Variants in PCDH7 observed in about 807,000 individuals in gnomAD.
PCDH7 encodes protocadherin 7.
Under a neutral mutation model 58.9 loss-of-function variants are expected in PCDH7, and 17 were observed. The observed-to-expected ratio is 0.29, with a 90% CI of 0.20 to 0.43. The LOEUF is 0.43. PCDH7 is among the 20% of genes least tolerant of loss of function. The pLI, the probability that PCDH7 is intolerant of heterozygous loss-of-function variation, is 1.00. For missense variants in PCDH7, 1,274 were observed against 1,441.0 expected, an observed-to-expected ratio of 0.88 and a Z score of 1.88; for synonymous variants, 664 against 616.4, an observed-to-expected ratio of 1.08 and a Z score of -1.14.
At chr4:30,765,860 C>A (rs1720675628) in intron 1 of PCDH7, among the ~76,000 whole-genome samples, 1 of 152,098 alleles carries the variant, frequency 6.6e-6, no homozygotes. Context: ...GTACTTCCTC[C>A]CCCACCTGTC....
intron 1 of PCDH7, among the ~76,000 whole-genome samples, chr4:30,767,177 G>A (rs1443800923): frequency 2.0e-5 from 3 of 152,166 alleles, no homozygotes; most frequent in Non-Finnish European, 4.4e-5. Context: ...TAAACTCAGC[G>A]TGGTTGCACA....
At chr4:30,973,146 C>T (rs1440037436) in intron 3 of PCDH7, among the ~76,000 whole-genome samples, 1 of 151,974 alleles carries the variant, frequency 6.6e-6, no homozygotes, top group Non-Finnish European at 1.5e-5. Context: ...GTAATAGAGA[C>T]AAAAATCACA....
At chr4:30,791,281 G>T (rs1724088299) in intron 1 of PCDH7, among the ~76,000 whole-genome samples, 1 of 152,138 alleles carries the variant, frequency 6.6e-6, no homozygotes, top group Non-Finnish European at 1.5e-5. Context: ...TTGAAACGTG[G>T]TTCATACATT....
chr4:31,061,140 A>ATG (rs1757658878), intron 3 of PCDH7, among the ~76,000 whole-genome samples: 15 of 151,882 alleles, frequency 9.9e-5, no homozygotes, highest in African/African-American at 3.4e-4. Context: ...ATGAAATTCT[A>ATG]GAACATGTGT....
chr4:30,852,592 C>T (rs1287604439), intron 1 of PCDH7, among the ~76,000 whole-genome samples: 3 of 151,878 alleles, frequency 2.0e-5, no homozygotes, highest in East Asian at 1.9e-4. Context: ...CCCTACTTGA[C>T]GTTCATTATT....
intron 3 of PCDH7, among the ~76,000 whole-genome samples, chr4:31,129,931 AT>A (rs10707722): frequency 0.048 from 7,184 of 150,828 alleles, 296 homozygotes; most frequent in African/African-American, 0.12. Flanking sequence ...ACAGGCCACA[AT>A]TTTTTTTTTA....
chr4:30,970,530 T>C (rs1466197254), intron 3 of PCDH7, among the ~76,000 whole-genome samples: 2 of 152,158 alleles, frequency 1.3e-5, no homozygotes, highest in Non-Finnish European at 2.9e-5. Flanking sequence ...CCTGACCTAG[T>C]GATCCCCCCG....
intron 1 of PCDH7, among the ~76,000 whole-genome samples, chr4:30,764,717 GTTTGT>G (rs1720478717): frequency 1.3e-5 from 2 of 151,456 alleles, no homozygotes; most frequent in African/African-American, 4.9e-5. Context: ...GTGTTTGTTT[GTTTGT>G]TTGTTTGTTT....
chr4:30,787,369 G>A (rs866659817), intron 1 of PCDH7, among the ~76,000 whole-genome samples: 37 of 151,986 alleles, frequency 2.4e-4, no homozygotes, highest in African/African-American at 8.5e-4. Flanking sequence ...ATTTAATAAC[G>A]CATTAAGAAG....
At chr4:30,791,602 C>T (rs1421841827) in intron 1 of PCDH7, among the ~76,000 whole-genome samples, 3 of 152,262 alleles carry the variant, frequency 2.0e-5, no homozygotes, top group African/African-American at 7.2e-5. Flanking sequence ...TAACCCTGAT[C>T]CTTCAATATT....
intron 3 of PCDH7, among the ~76,000 whole-genome samples, chr4:31,099,936 G>A (rs1384505876): frequency 6.6e-6 from 1 of 150,962 alleles, no homozygotes; most frequent in Non-Finnish European, 1.5e-5. Context: ...ATTTAACTTT[G>A]TGCCTATAAC....
At chr4:31,128,067 ATG>A (rs562597253) in intron 3 of PCDH7, among the ~76,000 whole-genome samples, 1 of 150,694 alleles carries the variant, frequency 6.6e-6, no homozygotes, top group East Asian at 2.0e-4. Context: ...ATATGTATAT[ATG>A]TGTGTGTATA....
rs573971766 is a variant in PCDH7 at position 30,952,399 on chromosome 4, G to T, written c.*7+2184G>T. Among the ~76,000 whole-genome samples, 410 of 151,710 alleles carry T rather than the reference G, an allele frequency of 2.7e-3. 2 individuals are homozygous for T. Among genetic ancestry groups the T allele is most frequent in the African/African-American group, 9.4e-3 (389 of 41,376 alleles). Reference sequence around the variant, plus strand: ...GCTATGCTTGAATAGGAAAACAGTTGTATCAATTTACCACTAAAGGAAAAC... The same window carrying T: ...GCTATGCTTGAATAGGAAAACAGTTTTATCAATTTACCACTAAAGGAAAAC... On this transcript the variant is annotated intron_variant, in intron 3 of 3. Transcript: ENST00000509759.
chr4:30,865,493 G>A (rs889197354), intron 1 of PCDH7, among the ~76,000 whole-genome samples: 2 of 151,940 alleles, frequency 1.3e-5, no homozygotes, highest in East Asian at 3.9e-4. Context: ...ATCTCATGTG[G>A]GGAATTTGGA....
At chr4:31,059,313 A>G (rs1285411025) in intron 3 of PCDH7, among the ~76,000 whole-genome samples, 1 of 151,952 alleles carries the variant, frequency 6.6e-6, no homozygotes, top group Non-Finnish European at 1.5e-5. Context: ...TGTTCTTAAA[A>G]TAATAGAAAT....
chr4:30,958,091 G>C (rs908109027), intron 3 of PCDH7, among the ~76,000 whole-genome samples: 1 of 151,966 alleles, frequency 6.6e-6, no homozygotes, highest in African/African-American at 2.4e-5. Context: ...ATCAAAACTA[G>C]GCAGAACAAA....
intron 1 of PCDH7, among the ~76,000 whole-genome samples, chr4:30,765,256 C>T (rs1465504381): frequency 6.9e-6 from 1 of 145,190 alleles, no homozygotes; most frequent in Non-Finnish European, 1.5e-5. Flanking sequence ...AGATAACTAA[C>T]TTAAAAATGC....
chr4:30,939,924 A>G (rs1407369042), intron 2 of PCDH7, among the ~76,000 whole-genome samples: 9 of 152,034 alleles, frequency 5.9e-5, no homozygotes, highest in Admixed American at 5.3e-4. Context: ...CTTTTGATGT[A>G]TTTCTTTACC....
intron 1 of PCDH7, chr4:30,868,927 A>G (rs190934529): frequency 6.6e-6 from 1 of 152,260 alleles, no homozygotes. Context: ...TAGTTCAACC[A>G]TATGAAAAAG....
Sources: allele counts gnomAD v4.1 joint callset (sites outside exome capture counted in the v4.1 genomes callset), GRCh38; gene constraint gnomAD v4.1.1; transcripts MANE v1.5; gene names NCBI Gene and HGNC (gene_info 2026-07-23, HGNC 2026-07-21).